Variants in SPMIP2 observed in about 807,000 individuals in gnomAD.
SPMIP2 encodes the protein sperm microtubule inner protein 2.
the SPMIP2 span, among the ~76,000 whole-genome samples, chr4:159,044,601 G>A: frequency 6.6e-6 from 1 of 152,092 alleles, no homozygotes; most frequent in African/African-American, 2.4e-5. Flanking sequence ...TAGACAAGAA[G>A]AGTGTGGGAA....
At chr4:159,007,884 A>G in the SPMIP2 span, 1 of 488,952 alleles carries the variant, frequency 2.0e-6, no homozygotes, top group African/African-American at 2.0e-5. Context: ...TGTGTGGGAA[A>G]AAAAAGAATA....
chr4:158,918,313 G>A, the SPMIP2 span, among the ~76,000 whole-genome samples: 1 of 152,204 alleles, frequency 6.6e-6, no homozygotes. Flanking sequence ...AGGCAGCTAT[G>A]TAGGACTGGA....
the SPMIP2 span, chr4:159,007,559 G>A: frequency 1.8e-6 from 2 of 1,091,372 alleles, no homozygotes; most frequent in Non-Finnish European, 1.4e-6. Flanking sequence ...AGGTGCTGGA[G>A]AGGGTGAATG....
At chr4:158,955,012 G>T in the SPMIP2 span, among the ~76,000 whole-genome samples, 4 of 152,176 alleles carry the variant, frequency 2.6e-5, no homozygotes, top group Middle Eastern at 3.4e-3. Context: ...ACACCCAATT[G>T]CAAACAGAAG....
chr4:158,961,758 T>A, the SPMIP2 span, among the ~76,000 whole-genome samples: 1 of 152,142 alleles, frequency 6.6e-6, no homozygotes, highest in South Asian at 2.1e-4. Context: ...TCAGTCCCTA[T>A]AAACAATTTG....
chr4:158,967,608 G>A, the SPMIP2 span, among the ~76,000 whole-genome samples: 5 of 152,184 alleles, frequency 3.3e-5, no homozygotes, highest in African/African-American at 1.2e-4. Context: ...TTCTAAAATT[G>A]TCTATACTGA....
At chr4:158,915,439 C>A in the SPMIP2 span, 1 of 1,234,120 alleles carries the variant, frequency 8.1e-7, no homozygotes, top group South Asian at 1.5e-5. Context: ...TGAGATTTGT[C>A]TGTTTTTCTA....
At chr4:159,063,550 A>AAAATAAATAAATAAAT in the SPMIP2 span, among the ~76,000 whole-genome samples, 37 of 148,652 alleles carry the variant, frequency 2.5e-4, no homozygotes, top group East Asian at 7.9e-4. Flanking sequence ...ATCCTGTCTC[A>AAAATAAATAAATAAAT]AAATAAATAA....
the SPMIP2 span, among the ~76,000 whole-genome samples, chr4:158,965,293 G>T: frequency 6.6e-6 from 1 of 151,238 alleles, no homozygotes; most frequent in African/African-American, 2.4e-5. Context: ...ATTTTCTTGG[G>T]AATTGTTATG....
At chr4:159,079,938 T>C in the SPMIP2 span, among the ~76,000 whole-genome samples, 1 of 152,186 alleles carries the variant, frequency 6.6e-6, no homozygotes, top group Non-Finnish European at 1.5e-5. Flanking sequence ...ATGTTACCTA[T>C]GAAGCACTTC....
the SPMIP2 span, among the ~76,000 whole-genome samples, chr4:159,060,205 A>C: frequency 6.6e-6 from 1 of 152,228 alleles, no homozygotes; most frequent in Non-Finnish European, 1.5e-5. Flanking sequence ...AAATTGACTC[A>C]AGAATTGGAA....
At chr4:159,006,573 C>G in the SPMIP2 span, among the ~76,000 whole-genome samples, 1 of 152,112 alleles carries the variant, frequency 6.6e-6, no homozygotes, top group South Asian at 2.1e-4. Flanking sequence ...TTCATTCAAC[C>G]TAATACTCAT....
the SPMIP2 span, among the ~76,000 whole-genome samples, chr4:159,080,810 A>G: frequency 3.3e-5 from 5 of 151,762 alleles, no homozygotes; most frequent in East Asian, 1.9e-4. Context: ...TGCAAGCTCC[A>G]CCTCCCAGGT....
the SPMIP2 span, among the ~76,000 whole-genome samples, chr4:159,066,997 C>A: frequency 6.6e-6 from 1 of 152,094 alleles, no homozygotes; most frequent in Non-Finnish European, 1.5e-5. Context: ...GGCCAGGAAC[C>A]TGTAAGTCAA....
At chr4:158,977,778 C>A in the SPMIP2 span, among the ~76,000 whole-genome samples, 78 of 152,052 alleles carry the variant, frequency 5.1e-4, 1 homozygote, top group Non-Finnish European at 7.5e-4. Context: ...CCACGCCCAG[C>A]TAATTTTTTG....
the SPMIP2 span, among the ~76,000 whole-genome samples, chr4:158,992,067 A>G: frequency 6.6e-6 from 1 of 152,042 alleles, no homozygotes; most frequent in Non-Finnish European, 1.5e-5. Context: ...AATTATTATT[A>G]TTATTTGTAG....
chr4:158,999,787 G>A, the SPMIP2 span, among the ~76,000 whole-genome samples: 1 of 152,204 alleles, frequency 6.6e-6, no homozygotes, highest in African/African-American at 2.4e-5. Context: ...GGTGGGTAAA[G>A]CCACATGACA....
chr4:159,002,713 A>G, the SPMIP2 span, among the ~76,000 whole-genome samples: 3 of 152,216 alleles, frequency 2.0e-5, no homozygotes, highest in Admixed American at 6.5e-5. Flanking sequence ...GTAAAAGACT[A>G]TCACTTTTCA....
chr4:159,037,659 T>TG, the SPMIP2 span, among the ~76,000 whole-genome samples: 2 of 151,732 alleles, frequency 1.3e-5, no homozygotes, highest in African/African-American at 4.8e-5. Context: ...TGGTCCCAGC[T>TG]ACTCGGGAGG....
Sources: allele counts gnomAD v4.1 joint callset (sites outside exome capture counted in the v4.1 genomes callset), GRCh38; gene constraint gnomAD v4.1.1; transcripts MANE v1.5; gene names NCBI Gene and HGNC (gene_info 2026-07-23, HGNC 2026-07-21).